Variants in ARHGAP32 observed in about 807,000 individuals in gnomAD.
ARHGAP32 encodes the protein Rho GTPase activating protein 32.
Under a neutral mutation model 186.5 loss-of-function variants are expected in ARHGAP32, and 51 were observed. The ratio of observed to expected loss-of-function variants is 0.27; its 90% confidence interval spans 0.22 to 0.35. The LOEUF (loss-of-function observed/expected upper bound fraction) is 0.35, where lower values mean the gene tolerates loss of function less well. Ranked by LOEUF, ARHGAP32 falls within the 10% of genes least tolerant of loss-of-function variation. The pLI is 1.00. For synonymous variants in ARHGAP32, 950 were observed against 964.3 expected (o/e 0.99, Z 0.27); for missense variants, 2,186 against 2,623.5 (o/e 0.83, Z 3.64).
chr11:129,195,499 T>C (rs562813159), upstream of ARHGAP32, among the ~76,000 whole-genome samples: 4 of 152,188 alleles, frequency 2.6e-5, no homozygotes, highest in South Asian at 4.2e-4. Flanking sequence ...AAAATGTTTT[T>C]CCTGCCTCAG....
At position 128,969,909 on chromosome 11, in the gene ARHGAP32, G is replaced by A; in HGVS notation, c.5304C>T (p.Ser1768=). 6.2e-7 allele frequency: 1 copy of A among 1,614,194 alleles called. No homozygotes were observed. The highest frequency in any genetic ancestry group is 8.5e-7 in the Non-Finnish European group (1 of 1,180,026). Residue 1768 remains serine (S), a synonymous_variant, in exon 23 of 23, where the codon TCC becomes TCT. Transcript: ENST00000682385. This position sits in a 1 kb window ranked among gnomAD's most constrained non-coding sequence, Gnocchi z 4.8. ...GCCGAGCACGGCTCTCTCTCCGGATGGACTGCATGCGGTATTTTTCCATGT... is the reference window on the plus strand; with the variant it reads ...GCCGAGCACGGCTCTCTCTCCGGATAGACTGCATGCGGTATTTTTCCATGT... The part of the protein sequence containing the change: ...LEDMEKYRMQ[S]IRRESRARQK...
At chr11:128,983,652 A>T (rs1220125006) in intron 15 of ARHGAP32, among the ~76,000 whole-genome samples, 1 of 151,912 alleles carries the variant, frequency 6.6e-6, no homozygotes, top group Non-Finnish European at 1.5e-5. Flanking sequence ...ATAAAAAAAT[A>T]AATAAATAAA....
chr11:129,087,082 A>G (rs181282115), intron 6 of ARHGAP32, among the ~76,000 whole-genome samples: 66 of 152,326 alleles, frequency 4.3e-4, no homozygotes, highest in Non-Finnish European at 7.1e-4. Context: ...AAATCCAAAA[A>G]CACTGACAAC....
At chr11:129,106,475 T>C (rs1227551434) in intron 5 of ARHGAP32, among the ~76,000 whole-genome samples, 2 of 151,910 alleles carry the variant, frequency 1.3e-5, no homozygotes, top group Non-Finnish European at 2.9e-5. Flanking sequence ...GAACATCAGG[T>C]ACTTACGGAA....
chr11:128,982,159 T>C (rs868129019), intron 15 of ARHGAP32, among the ~76,000 whole-genome samples: 68 of 152,214 alleles, frequency 4.5e-4, no homozygotes, highest in African/African-American at 1.6e-3. Context: ...TTTGAAGTTA[T>C]GCCATTCTAC....
At chr11:129,143,088 T>TAA (rs1555101119) in intron 2 of ARHGAP32, among the ~76,000 whole-genome samples, 2 of 149,022 alleles carry the variant, frequency 1.3e-5, no homozygotes, top group Non-Finnish European at 3.0e-5. Context: ...TATATATATA[T>TAA]AATCAACTGA....
At chr11:129,099,871 C>A (rs1000582616) in intron 5 of ARHGAP32, among the ~76,000 whole-genome samples, 2 of 151,966 alleles carry the variant, frequency 1.3e-5, no homozygotes, top group African/African-American at 4.8e-5. Context: ...AGAGTGTACA[C>A]AAGGAAGACA....
chr11:129,150,941 A>G (rs1489337640), intron 2 of ARHGAP32, among the ~76,000 whole-genome samples: 1 of 151,988 alleles, frequency 6.6e-6, no homozygotes, highest in African/African-American at 2.4e-5. Context: ...ATTAAAAAAA[A>G]AAAAAAAATT....
At chr11:129,030,927 C>T (rs1003932145) in intron 11 of ARHGAP32, among the ~76,000 whole-genome samples, 7 of 152,212 alleles carry the variant, frequency 4.6e-5, no homozygotes, top group Non-Finnish European at 1.0e-4. Flanking sequence ...CTGCCACTCT[C>T]TCTTGCTCCT....
intron 10 of ARHGAP32, among the ~76,000 whole-genome samples, chr11:129,047,629 A>T (rs566880223): frequency 1.4e-4 from 21 of 152,242 alleles, no homozygotes; most frequent in Non-Finnish European, 2.4e-4. Context: ...AAAAAAAAAA[A>T]TCACATCACT....
intron 1 of ARHGAP32, among the ~76,000 whole-genome samples, chr11:129,257,625 A>G (rs1674677077): frequency 6.6e-6 from 1 of 151,744 alleles, no homozygotes; most frequent in Non-Finnish European, 1.5e-5. Context: ...TAAATAATTC[A>G]TTAATTTTTA....
At chr11:129,162,124 C>T (rs1291830179) in intron 2 of ARHGAP32, among the ~76,000 whole-genome samples, 1 of 151,980 alleles carries the variant, frequency 6.6e-6, no homozygotes, top group East Asian at 1.9e-4. Context: ...GTGAGTGGAA[C>T]ATCACACACC....
At position 129,192,272 on chromosome 11, in the gene ARHGAP32, C is replaced by T; in HGVS notation, c.-74G>A. 2 of 1,033,064 alleles carry T rather than the reference C, an allele frequency of 1.9e-6. No homozygotes were observed. The highest frequency in any genetic ancestry group is 1.6e-5 in the African/African-American group (1 of 63,684). The allele number at this position is 1,033,064 out of a possible 1,614,324, so 64.0% of individuals were successfully genotyped here. Reference sequence around the variant, plus strand: ...AAGCACCAACATTCAGGTTGTTCAGCTCTACTCATGTATACTCAGATGTGT... The same window carrying T: ...AAGCACCAACATTCAGGTTGTTCAGTTCTACTCATGTATACTCAGATGTGT... On this transcript the variant is annotated 5_prime_UTR_variant, in exon 1 of 23. Coordinates refer to ENST00000682385, the MANE Select transcript of ARHGAP32 (RefSeq NM_001378024.1).
chr11:129,192,171 A>C lies in ARHGAP32; in HGVS notation c.28T>G (p.Leu10Val), dbSNP rs544080957. 2 of 1,613,698 alleles carry C rather than the reference A, an allele frequency of 1.2e-6. No individual in the cohort carries two copies. The highest frequency in any genetic ancestry group is 2.2e-5 in the South Asian group (2 of 91,076). The change falls in exon 1 of 23, where the codon TTA becomes GTA. Residue 10 changes from leucine (L) to valine (V), a missense_variant. Coordinates refer to ENST00000682385, the MANE Select transcript of ARHGAP32 (RefSeq NM_001378024.1). The part of the protein sequence containing the change: METESESST[L>V]GDDSVFWLES... ...AACCAGAAGACACTGTCATCCCCTA[A>C]AGTGCTACTCTCACTTTCAGTCTCC...
chr11:129,240,771 A>T (rs961064116), intron 1 of ARHGAP32, among the ~76,000 whole-genome samples: 14 of 152,318 alleles, frequency 9.2e-5, no homozygotes, highest in African/African-American at 2.9e-4. Context: ...TTGTCATTAT[A>T]TCATAAGAAA....
At chr11:129,202,136 C>T (rs1290144353) in intron 1 of ARHGAP32, among the ~76,000 whole-genome samples, 1 of 151,914 alleles carries the variant, frequency 6.6e-6, no homozygotes, top group Non-Finnish European at 1.5e-5. Flanking sequence ...TTAATACACA[C>T]ATGCAAAGAA....
At chr11:129,193,227 T>A (rs549206951), upstream of ARHGAP32, among the ~76,000 whole-genome samples, 111 of 142,202 alleles carry the variant, frequency 7.8e-4, 1 homozygote, top group African/African-American at 2.8e-3. Context: ...ATCCCAACAC[T>A]TTGAGAGGCT....
intron 5 of ARHGAP32, among the ~76,000 whole-genome samples, chr11:129,105,184 G>C (rs552632175): frequency 2.0e-5 from 3 of 152,128 alleles, no homozygotes; most frequent in Non-Finnish European, 4.4e-5. Context: ...GAGACATAAA[G>C]TAAACAACCT....
rs892155487 is a variant in ARHGAP32, at chr11:128,968,060, A to C, written c.*847T>G. ...GTAAGAAGAAAACCTGAAGGCAGGCAATGCATTAAAAGCATCAATAGAGAT... is the reference window on the plus strand; with the variant it reads ...GTAAGAAGAAAACCTGAAGGCAGGCCATGCATTAAAAGCATCAATAGAGAT... On this transcript the variant is annotated 3_prime_UTR_variant, in exon 23 of 23. Transcript: ENST00000682385. 6.6e-6 allele frequency: 1 copy of C among 151,952 alleles called. No homozygotes were observed. The highest frequency in any genetic ancestry group is 1.5e-5 in the Non-Finnish European group (1 of 68,006). 9.4% of individuals were successfully genotyped at this position (151,952 alleles called of 1,614,324 possible).
Sources: gnomAD v4.1 joint callset for allele counts (sites outside exome capture counted in the v4.1 genomes callset) on GRCh38, gnomAD v4.1.1 for gene constraint, Gnocchi (gnomAD v3.1) non-coding constraint, MANE v1.5 for transcripts, NCBI Gene and HGNC (gene_info 2026-07-23, HGNC 2026-07-21) for gene names.